The following P2RX1 variants were observed in gnomAD, a reference collection of about 807,000 sequenced individuals.
The protein encoded by P2RX1 is purinergic receptor P2X 1.
P2RX1 carries 42 observed loss-of-function variants against 50.3 expected under a neutral mutation model. The ratio of observed to expected loss-of-function variants is 0.83; its 90% confidence interval spans 0.65 to 1.08. The LOEUF is 1.08. Among genes scored for constraint, P2RX1 ranks in the 50% least tolerant of loss-of-function variants. The pLI is 0.00. For synonymous variants in P2RX1, 199 were observed against 202.6 expected, an observed-to-expected ratio of 0.98 and a Z score of 0.15; for missense variants, 449 against 529.0, an observed-to-expected ratio of 0.85 and a Z score of 1.48.
At chr17:3,902,923 T>C (rs2056178425) in intron 7 of P2RX1, among the ~76,000 whole-genome samples, 1 of 151,094 alleles carries the variant, frequency 6.6e-6, no homozygotes, top group Non-Finnish European at 1.5e-5. Flanking sequence ...TGCTTTTATC[T>C]AGTTTTTTTT....
Position 3,899,687 on chromosome 17 carries a change from A to G in P2RX1, c.822T>C (p.Tyr274=). The G allele has an allele frequency of 6.2e-7, 1 of 1,613,876 alleles. No individual in the cohort carries two copies. The change falls in exon 8 of 12, where the codon TAT becomes TAC. Residue 274 remains tyrosine, a synonymous_variant. Transcript: ENST00000225538. ...TCTCTTCGTACAGCCCATGGAACTC[A>G]TAGATGGGTCTGCAGTGCCGTACGT... ...DWHVRHCRPI[Y]EFHGLYEEKN...
At chr17:3,908,141 CAG>C in intron 1 of P2RX1, among the ~76,000 whole-genome samples, 1 of 152,174 alleles carries the variant, frequency 6.6e-6, no homozygotes, top group Non-Finnish European at 1.5e-5. Context: ...AGGCAGAGCA[CAG>C]AGGGGAAACA....
Position 3,903,752 on chromosome 17 carries a change from G to T in P2RX1, c.525-121C>A. The T allele has an allele frequency of 1.7e-6, 2 of 1,158,680 alleles. No homozygotes were observed. The highest frequency in any genetic ancestry group is 1.2e-5 in the South Asian group (1 of 80,476). 71.8% of individuals were successfully genotyped at this position (1,158,680 alleles called of 1,614,324 possible). On this transcript the variant is annotated intron_variant, in intron 5 of 11. Transcript: ENST00000225538. The surrounding 1 kb of genome is among the most constrained non-coding windows in gnomAD (Gnocchi z 4.6). The stretch of plus-strand genomic sequence containing the variant: ...GGGACCCGCCTGCAGCCCTGGGCTG[G>T]TGGAGGGGTGGGTGTGCTCTAGCGT...
At chr17:3,900,211 G>C (rs1033991486) in intron 7 of P2RX1, among the ~76,000 whole-genome samples, 1 of 152,194 alleles carries the variant, frequency 6.6e-6, no homozygotes, top group Non-Finnish European at 1.5e-5. Flanking sequence ...CCAGCATTTT[G>C]GGAGGCTGAG....
chr17:3,898,381 C>T (rs2056072553), intron 10 of P2RX1, 103 bp downstream of exon 10: 3 of 938,396 alleles, frequency 3.2e-6, no homozygotes. Context: ...AAATGATAGA[C>T]AGTTAGGGTC....
intron 1 of P2RX1, among the ~76,000 whole-genome samples, chr17:3,908,606 G>A (rs964555128): frequency 1.3e-5 from 2 of 152,182 alleles, no homozygotes; most frequent in Non-Finnish European, 2.9e-5. Context: ...TGCCAGGCCT[G>A]CTCCTCCAAA....
Position 3,897,672 on chromosome 17 carries a change from C to T in P2RX1, c.*142G>A. ...TGCACAGGTCTCTCCTACTATGCAC[C>T]CTGAGCTTCTGGCAAACTGCTCTCT... On this transcript the variant is annotated 3_prime_UTR_variant, in exon 12 of 12. Coordinates refer to ENST00000225538, the MANE Select transcript of P2RX1 (RefSeq NM_002558.4). 1.3e-6 allele frequency: 1 copy of T among 749,794 alleles called. No homozygotes were observed. Among genetic ancestry groups the T allele is most frequent in the Middle Eastern group, 3.6e-4 (1 of 2,782 alleles). The allele number at this position is 749,794 out of a possible 1,614,324, so 46.4% of individuals were successfully genotyped here.
intron 1 of P2RX1, 174 bp downstream of exon 1, chr17:3,915,915 A>C (rs2052398311): frequency 2.4e-6 from 2 of 826,174 alleles, no homozygotes; most frequent in Non-Finnish European, 4.0e-6. Flanking sequence ...CCTCGTCCCC[A>C]TCTCAACAGC....
At chr17:3,909,156 G>A (rs929173875) in intron 1 of P2RX1, among the ~76,000 whole-genome samples, 1 of 151,938 alleles carries the variant, frequency 6.6e-6, no homozygotes. Flanking sequence ...TCAACCTCCC[G>A]AGTAGCTGGG....
intron 1 of P2RX1, among the ~76,000 whole-genome samples, chr17:3,905,725 T>A (rs2056250047): frequency 6.6e-6 from 1 of 151,708 alleles, no homozygotes; most frequent in African/African-American, 2.4e-5. Context: ...TGGGTGCCTG[T>A]AATCCCAGCT....
In P2RX1 at chr17:3,916,137, C is replaced by T; in HGVS notation, c.89G>A (p.Gly30Asp). 6.2e-7 allele frequency: 1 copy of T among 1,613,658 alleles called. No individual in the cohort carries two copies. The highest frequency in any genetic ancestry group is 8.5e-7 in the Non-Finnish European group (1 of 1,180,016). Reference protein sequence around the residue: ...RMVLVRNKKVGVIFRLIQLVV... With the variant: ...RMVLVRNKKVDVIFRLIQLVV... ...CAGCTGGATCAGTCGGAAGATAACG[C>T]CCACCTTCTTATTACGCACCAGCAC... The change falls in exon 1 of 12, where the codon GGC becomes GAC. Residue 30 changes from glycine (G) to aspartate (D), a missense_variant. Gly to Asp is a moderately conservative substitution (Grantham distance 94). Coordinates refer to ENST00000225538, the MANE Select transcript of P2RX1 (RefSeq NM_002558.4).
chr17:3,898,754 G>A (rs913821940), intron 9 of P2RX1, among the ~76,000 whole-genome samples, 180 bp downstream of exon 9: 10 of 152,158 alleles, frequency 6.6e-5, no homozygotes, highest in African/African-American at 2.2e-4. Flanking sequence ...CTGTGGGGAG[G>A]CATGGCCACA....
At chr17:3,904,117 A>C in intron 4 of P2RX1, 93 bp from the exon 5 acceptor site, 1 of 1,143,464 alleles carries the variant, frequency 8.7e-7, no homozygotes, top group Non-Finnish European at 1.3e-6. Context: ...CGGGCCACTC[A>C]AGCAAAGGAG....
At position 3,897,759 on chromosome 17, in the gene P2RX1, A is replaced by G. The variant is rs1776987786; in HGVS notation, c.*55T>C. The G allele has an allele frequency of 6.5e-7, 1 of 1,544,846 alleles. No individual in the cohort carries two copies. On this transcript the variant is annotated 3_prime_UTR_variant, in exon 12 of 12. Transcript: ENST00000225538. ...CCCTCTGCCCTGGCTGGGACCCACC[A>G]GGGCTCCAGGCTGAAGCCTCACGCT...
Position 3,905,236 on chromosome 17 carries a change from T to C in P2RX1, c.269A>G (p.Tyr90Cys). 4 of 1,613,272 alleles carry C rather than the reference T, an allele frequency of 2.5e-6. No homozygotes were observed. The African/African-American group carries it at 5.3e-5, about 21-fold the overall frequency. Residue 90 changes from tyrosine to cysteine, a missense_variant, in exon 2 of 12, where the codon TAC becomes TGC. By Grantham distance (194) the Tyr-to-Cys change is radical. Transcript: ENST00000225538. The stretch of plus-strand genomic sequence containing the variant: ...CCAGCTCACCTGGGCTGGGAAGACG[T>C]AGTCAGCCACATCCCAGACCTGGGG... ...LGPQVWDVAD[Y>C]VFPAQGDNSF...
intron 8 of P2RX1, among the ~76,000 whole-genome samples, chr17:3,899,404 T>C (rs1177243303): frequency 6.7e-6 from 1 of 150,360 alleles, no homozygotes; most frequent in East Asian, 2.0e-4. Context: ...TTTCCCCAGC[T>C]AGTCCTGGCC....
At chr17:3,899,451 G>C (rs2056095370) in intron 8 of P2RX1, among the ~76,000 whole-genome samples, 183 bp downstream of exon 8, 1 of 151,212 alleles carries the variant, frequency 6.6e-6, no homozygotes, top group African/African-American at 2.4e-5. Context: ...CAGGGACAGG[G>C]GATTTGAGAC....
chr17:3,909,997 C>T (rs1016117139), intron 1 of P2RX1, among the ~76,000 whole-genome samples: 3 of 116,342 alleles, frequency 2.6e-5, no homozygotes, highest in African/African-American at 9.5e-5. Flanking sequence ...TTTTTTGAGA[C>T]GGAGTCTCGC....
intron 1 of P2RX1, among the ~76,000 whole-genome samples, chr17:3,909,457 A>G (rs1210550338): frequency 2.6e-5 from 4 of 152,136 alleles, no homozygotes; most frequent in Non-Finnish European, 4.4e-5. Flanking sequence ...ATCCGCCCCC[A>G]TTCCCTGAGT....
Sources: gnomAD v4.1 joint callset for allele counts (sites outside exome capture counted in the v4.1 genomes callset) on GRCh38, gnomAD v4.1.1 for gene constraint, Gnocchi (gnomAD v3.1) non-coding constraint, MANE v1.5 for transcripts, NCBI Gene and HGNC (gene_info 2026-07-23, HGNC 2026-07-21) for gene names.